Variants in NAV1 observed in about 807,000 individuals in gnomAD.
The protein encoded by NAV1 is pore membrane and/or filament interacting like protein 3.
A neutral mutation model predicts 175.2 loss-of-function variants in NAV1; 18 were observed. The ratio of observed to expected loss-of-function variants is 0.10; its 90% CI spans 0.07 to 0.15. NAV1 has a LOEUF of 0.15. Ranked by LOEUF, NAV1 falls within the 10% of genes least tolerant of loss-of-function variation. The pLI, the probability that NAV1 is intolerant of heterozygous loss-of-function variation, is 1.00. For synonymous variants in NAV1, 897 were observed against 978.7 expected (o/e 0.92, Z 1.56); for missense variants, 1,731 against 2,436.6 (o/e 0.71, Z 6.10).
intron 1 of NAV1, among the ~76,000 whole-genome samples, chr1:201,562,253 A>G (rs775953291): frequency 4.0e-5 from 6 of 148,968 alleles, no homozygotes; most frequent in Non-Finnish European, 7.4e-5. Context: ...TCCTGGGCTC[A>G]AGTGATCCTC....
chr1:201,803,303 A>G (rs1398679328), intron 15 of NAV1, among the ~76,000 whole-genome samples: 1 of 152,224 alleles, frequency 6.6e-6, no homozygotes, highest in Non-Finnish European at 1.5e-5. Context: ...GGCTGGCTTT[A>G]GTTAAGTCCT....
In NAV1 at chr1:201,781,079, A is replaced by G. The variant is rs781467590; in HGVS notation, c.1433A>G (p.Glu478Gly). The change falls in exon 5 of 30, where the codon GAG becomes GGG. Residue 478 changes from glutamate (E) to glycine (G), a missense_variant. By Grantham distance (98) the Glu-to-Gly change is moderately conservative (BLOSUM62 -2). Coordinates refer to ENST00000367296, the Ensembl canonical transcript of NAV1. The stretch of plus-strand genomic sequence containing the variant: ...CTGAGCTGGTTTAGTGAATCAGAGG[A>G]GAAAGCCCCTAAAAAACTGGAGTAC... The G allele has an allele frequency of 3.1e-6, 5 of 1,614,208 alleles. No homozygotes were observed. The South Asian group carries it at 4.4e-5, about 14-fold the overall frequency.
Position 201,782,076 on chromosome 1 carries a change from C to A in NAV1, c.1664-100C>A. 2 of 1,082,496 alleles carry A rather than the reference C, an allele frequency of 1.8e-6. No homozygotes were observed. The highest frequency in any genetic ancestry group is 1.3e-6 in the Non-Finnish European group (1 of 752,036). 67.1% of individuals were successfully genotyped at this position (1,082,496 alleles called of 1,614,324 possible). A position where few individuals can be genotyped will look rare whatever the true frequency, so the allele number is the denominator to read the frequency against. On this transcript the variant is annotated intron_variant, in intron 5 of 29. Transcript: ENST00000367296. The surrounding 1 kb of genome is among the most constrained non-coding windows in gnomAD (Gnocchi z 5.4). ...TTTAGGCCTCTAAAAGTCTACAATA[C>A]ATGGACAATGTTCCCTTCTCCCATG... is the stretch of plus-strand genomic sequence containing the variant.
intron 3 of NAV1, among the ~76,000 whole-genome samples, chr1:201,749,916 AAAG>A (rs1409401479): frequency 6.6e-6 from 1 of 152,220 alleles, no homozygotes; most frequent in Non-Finnish European, 1.5e-5. Flanking sequence ...TGAAAAGAAA[AAAG>A]AAAAGAAAGA....
At chr1:201,676,533 C>T (rs865956601) in intron 1 of NAV1, among the ~76,000 whole-genome samples, 3 of 151,268 alleles carry the variant, frequency 2.0e-5, no homozygotes, top group African/African-American at 4.9e-5. Flanking sequence ...GGCCACACAG[C>T]GAGGGAAGCG....
In NAV1 at chr1:201,708,083, C is replaced by A. The variant is rs629969; in HGVS notation, c.758-4734C>A. The stretch of plus-strand genomic sequence containing the variant: ...TGTCAAGTGTATTTGATTGCTAGTC[C>A]TTTCCCAAAGACCCTTGACATGGAC... On this transcript the variant is annotated intron_variant, in intron 1 of 29. Transcript: ENST00000367296. Among the ~76,000 whole-genome samples the A allele has an allele frequency of 9.2e-5, 14 of 152,114 alleles. No individual in the cohort carries two copies. In the South Asian group the frequency reaches 2.7e-3, roughly 29 times the overall value.
chr1:201,808,899 G>A lies in NAV1; in HGVS notation c.4207+28G>A. The A allele has an allele frequency of 6.3e-7, 1 of 1,595,208 alleles. No individual in the cohort carries two copies. Among genetic ancestry groups the A allele is most frequent in the Non-Finnish European group, 8.5e-7 (1 of 1,169,864 alleles). ...ACCTGTGTGGGAGAAGAATCTATAA[G>A]GGTGAAGGGAAGAAAAGGGCTTATT... On this transcript the variant is annotated intron_variant, in intron 20 of 29. Coordinates refer to ENST00000367296, the Ensembl canonical transcript of NAV1. This position sits in a 1 kb window ranked among gnomAD's most constrained non-coding sequence, Gnocchi z 5.5.
chr1:201,712,745 C>T (rs1671962102), intron 1 of NAV1, 72 bp from the exon 6 acceptor site: 3 of 1,050,806 alleles, frequency 2.9e-6, no homozygotes, highest in Admixed American at 3.4e-5. Flanking sequence ...TGTCAATCTC[C>T]ACTTCCTGAC....
exon 26 of NAV1, chr1:201,811,965 T>C: frequency 6.2e-7 from 1 of 1,614,132 alleles, no homozygotes; most frequent in Non-Finnish European, 8.5e-7. Context: ...GGCTTGCACT[T>C]GAGCTTCAGG....
exon 30 of NAV1, chr1:201,820,732 G>C (rs1323840095): frequency 6.6e-6 from 1 of 151,886 alleles, no homozygotes; most frequent in Non-Finnish European, 1.5e-5. Flanking sequence ...ATGCATAAGA[G>C]TCAATAAACC....
chr1:201,668,432 G>A (rs1361664335), intron 1 of NAV1, among the ~76,000 whole-genome samples: 2 of 152,152 alleles, frequency 1.3e-5, no homozygotes, highest in African/African-American at 4.8e-5. Flanking sequence ...ATGGACTGGG[G>A]CATGCCAGCT....
chr1:201,702,169 A>T (rs1671454151), intron 1 of NAV1, among the ~76,000 whole-genome samples: 1 of 152,208 alleles, frequency 6.6e-6, no homozygotes, highest in Non-Finnish European at 1.5e-5. Context: ...TGAAATGTCT[A>T]GAATAGGCAA....
chr1:201,571,073 T>A (rs1204016401), intron 1 of NAV1, among the ~76,000 whole-genome samples: 1 of 152,254 alleles, frequency 6.6e-6, no homozygotes, highest in African/African-American at 2.4e-5. Flanking sequence ...CCGCCAGGTC[T>A]GGTGGCCATT....
At chr1:201,621,650 A>G (rs978991736), upstream of NAV1, among the ~76,000 whole-genome samples, 2 of 152,166 alleles carry the variant, frequency 1.3e-5, no homozygotes, top group African/African-American at 4.8e-5. Context: ...GTATTTTTAT[A>G]GTTTATTGAT....
intron 1 of NAV1, among the ~76,000 whole-genome samples, chr1:201,703,979 G>A (rs1671555352): frequency 6.6e-6 from 1 of 152,324 alleles, no homozygotes; most frequent in South Asian, 2.1e-4. Flanking sequence ...TTCCCCAGGG[G>A]ACTGGAGCAG....
At chr1:201,564,380 C>T (rs1457365303) in intron 1 of NAV1, among the ~76,000 whole-genome samples, 14 of 152,034 alleles carry the variant, frequency 9.2e-5, no homozygotes. Context: ...TTTGGGAGGC[C>T]GAGGCGGGCA....
intron 29 of NAV1, among the ~76,000 whole-genome samples, chr1:201,817,937 G>T (rs1413194303): frequency 6.6e-6 from 1 of 152,028 alleles, no homozygotes; most frequent in African/African-American, 2.4e-5. Context: ...ATGGATAAAA[G>T]ATATAAACAG....
intron 7 of NAV1, among the ~76,000 whole-genome samples, chr1:201,784,094 A>T (rs1055719595): frequency 2.1e-4 from 32 of 152,388 alleles, no homozygotes; most frequent in Admixed American, 9.8e-4. Context: ...TAAATGACTC[A>T]TCCAAGATCT....
exon 5 of NAV1, chr1:201,781,305 C>T (rs1319025267): frequency 8.1e-6 from 13 of 1,605,372 alleles, no homozygotes; most frequent in Admixed American, 3.4e-5. Flanking sequence ...CCCTCAAAGT[C>T]GCAGGTGAGC....
Sources: allele counts gnomAD v4.1 joint callset (sites outside exome capture counted in the v4.1 genomes callset), GRCh38; gene constraint gnomAD v4.1.1; non-coding constraint Gnocchi (gnomAD v3.1); transcripts MANE v1.5; gene names NCBI Gene and HGNC (gene_info 2026-07-23, HGNC 2026-07-21).